Variants in CTNNA3 observed in about 807,000 individuals in gnomAD.
The protein encoded by CTNNA3 is catenin alpha 3, also known as catenin alpha-3.
In CTNNA3, 76 loss-of-function variants were observed where a neutral mutation model predicts 95.7. The ratio of observed to expected loss-of-function variants is 0.79; its 90% CI spans 0.66 to 0.96. The LOEUF (loss-of-function observed/expected upper bound fraction) is 0.96, where lower values mean the gene tolerates loss of function less well. Among genes scored for constraint, CTNNA3 ranks in the 40% least tolerant of loss-of-function variants. The pLI, the probability that CTNNA3 is intolerant of heterozygous loss-of-function variation, is 0.00. For synonymous variants in CTNNA3, 431 were observed against 374.4 expected (o/e 1.15, Z -1.74); for missense variants, 1,191 against 1,089.8 (o/e 1.09, Z -1.31).
chr10:67,758,663 T>C (rs1206077088), intron 1 of CTNNA3, among the ~76,000 whole-genome samples: 2 of 152,088 alleles, frequency 1.3e-5, no homozygotes, highest in Admixed American at 6.6e-5. Context: ...ACCCCATATA[T>C]AGAGCTTGTC....
intron 5 of CTNNA3, among the ~76,000 whole-genome samples, chr10:67,304,300 C>T (rs1017741142): frequency 2.6e-5 from 4 of 152,166 alleles, no homozygotes; most frequent in African/African-American, 9.7e-5. Context: ...ATAGGCACTT[C>T]ACTATATAGG....
At chr10:66,346,246 T>TATATATATAGAGAGAG (rs1416945569) in intron 12 of CTNNA3, among the ~76,000 whole-genome samples, 19 of 27,750 alleles carry the variant, frequency 6.8e-4, no homozygotes, top group Non-Finnish European at 1.2e-3. Context: ...TATATATATA[T>TATATATATAGAGAGAG]AGAGAGAGAG....
intron 13 of CTNNA3, among the ~76,000 whole-genome samples, chr10:66,188,433 GT>G (rs1278088121): frequency 1.2e-4 from 18 of 148,058 alleles, no homozygotes; most frequent in South Asian, 6.4e-4. Context: ...AGTCTTTCTT[GT>G]TTTTTTTTTT....
intron 7 of CTNNA3, among the ~76,000 whole-genome samples, chr10:66,859,317 A>G (rs1231122136): frequency 1.3e-5 from 2 of 151,998 alleles, no homozygotes; most frequent in Non-Finnish European, 2.9e-5. Flanking sequence ...ACAAATTTAC[A>G]AGAAAAAAAC....
chr10:66,909,622 A>G (rs1846138606), intron 7 of CTNNA3, among the ~76,000 whole-genome samples: 1 of 152,218 alleles, frequency 6.6e-6, no homozygotes, highest in African/African-American at 2.4e-5. Context: ...GAAGCAAATA[A>G]GAGAGCAATA....
intron 5 of CTNNA3, among the ~76,000 whole-genome samples, chr10:67,512,474 A>G (rs1839667334): frequency 6.6e-6 from 1 of 152,238 alleles, no homozygotes; most frequent in Non-Finnish European, 1.5e-5. Context: ...TAGTCAAGGT[A>G]TAGAAACAAC....
chr10:66,887,155 TGC>T, intron 7 of CTNNA3, among the ~76,000 whole-genome samples: 1 of 152,220 alleles, frequency 6.6e-6, no homozygotes, highest in African/African-American at 2.4e-5. Context: ...TCTACTGGTT[TGC>T]TAGTTAACAG....
intron 1 of CTNNA3, among the ~76,000 whole-genome samples, chr10:67,651,430 G>A (rs1839875510): frequency 6.6e-6 from 1 of 151,862 alleles, no homozygotes; most frequent in Non-Finnish European, 1.5e-5. Context: ...GTCAAAAATT[G>A]GTTTGGGAGA....
chr10:66,969,409 C>T (rs1326179713), intron 7 of CTNNA3, among the ~76,000 whole-genome samples: 1 of 152,046 alleles, frequency 6.6e-6, no homozygotes, highest in Non-Finnish European at 1.5e-5. Context: ...AATTATTATG[C>T]TATTGATGCA....
chr10:66,100,976 T>C (rs2081602130), intron 14 of CTNNA3, among the ~76,000 whole-genome samples: 1 of 152,178 alleles, frequency 6.6e-6, no homozygotes, highest in Admixed American at 6.6e-5. Flanking sequence ...GGTGTGTTTA[T>C]CCTAATTCCA....
chr10:67,559,243 T>C (rs1007205879), intron 3 of CTNNA3, among the ~76,000 whole-genome samples: 1 of 152,122 alleles, frequency 6.6e-6, no homozygotes, highest in East Asian at 1.9e-4. Context: ...CAACCCCCAG[T>C]AGGGGCAGAC....
At chr10:66,607,317 T>G (rs1017484969) in intron 10 of CTNNA3, among the ~76,000 whole-genome samples, 1 of 151,310 alleles carries the variant, frequency 6.6e-6, no homozygotes, top group South Asian at 2.1e-4. Flanking sequence ...AAATGCAGGA[T>G]CAGATGGATT....
At chr10:67,445,788 G>A (rs1846722807) in intron 5 of CTNNA3, among the ~76,000 whole-genome samples, 1 of 152,264 alleles carries the variant, frequency 6.6e-6, no homozygotes, top group African/African-American at 2.4e-5. Flanking sequence ...ACAATTATGG[G>A]ATTACATATA....
chr10:66,860,482 T>C (rs1275120814), intron 7 of CTNNA3, among the ~76,000 whole-genome samples: 1 of 152,118 alleles, frequency 6.6e-6, no homozygotes, highest in East Asian at 1.9e-4. Flanking sequence ...AACAAACAGA[T>C]GGCAAATTCT....
intron 10 of CTNNA3, among the ~76,000 whole-genome samples, chr10:66,595,169 A>C (rs1843671649): frequency 6.6e-6 from 1 of 152,018 alleles, no homozygotes; most frequent in African/African-American, 2.4e-5. Flanking sequence ...CGACAACAAC[A>C]ACCAAAATCC....
At chr10:66,510,591 AT>A (rs1012969214) in intron 11 of CTNNA3, among the ~76,000 whole-genome samples, 3 of 151,832 alleles carry the variant, frequency 2.0e-5, no homozygotes, top group Non-Finnish European at 4.4e-5. Flanking sequence ...TTTGTTAAGA[AT>A]TTTTTATCAT....
At chr10:66,521,983 C>G (rs1377884209) in intron 10 of CTNNA3, among the ~76,000 whole-genome samples, 1 of 152,122 alleles carries the variant, frequency 6.6e-6, no homozygotes, top group Non-Finnish European at 1.5e-5. Context: ...GTTTTTTCAA[C>G]TTTAATTTTT....
chr10:66,901,205 G>A (rs2132525655), intron 7 of CTNNA3, among the ~76,000 whole-genome samples: 1 of 152,330 alleles, frequency 6.6e-6, no homozygotes, highest in Middle Eastern at 3.4e-3. Context: ...CAAGCCAGAA[G>A]AGAGTGGGGG....
At chr10:66,190,451 G>A (rs1207290376) in intron 13 of CTNNA3, among the ~76,000 whole-genome samples, 1 of 152,060 alleles carries the variant, frequency 6.6e-6, no homozygotes, top group African/African-American at 2.4e-5. Context: ...GATATAGAGT[G>A]CCATTGACAT....
Sources: allele counts gnomAD v4.1 joint callset (sites outside exome capture counted in the v4.1 genomes callset), GRCh38; gene constraint gnomAD v4.1.1; transcripts MANE v1.5; gene names NCBI Gene and HGNC (gene_info 2026-07-23, HGNC 2026-07-21).